CELF2: variants seen among roughly 807,000 people sequenced by gnomAD.
CELF2 encodes CUG triplet repeat RNA-binding protein 2.
In CELF2, 8 loss-of-function variants were observed where a neutral mutation model predicts 62.6. The observed-to-expected ratio is 0.13, with a 90% CI of 0.07 to 0.23. CELF2 has a LOEUF of 0.23. CELF2 is among the 10% of genes least tolerant of loss of function. CELF2 has a pLI of 1.00. For missense variants in CELF2, 333 were observed against 671.0 expected, an observed-to-expected ratio of 0.50 and a Z score of 5.56; for synonymous variants, 258 against 250.0, an observed-to-expected ratio of 1.03 and a Z score of -0.30.
At chr10:10,518,082 T>A in the CELF2 span, among the ~76,000 whole-genome samples, 4 of 152,196 alleles carry the variant, frequency 2.6e-5, no homozygotes, top group South Asian at 8.3e-4. Flanking sequence ...AGGCTTAGCA[T>A]TTCCTGCATG....
chr10:10,742,700 C>T, the CELF2 span, among the ~76,000 whole-genome samples: 1 of 151,994 alleles, frequency 6.6e-6, no homozygotes, highest in African/African-American at 2.4e-5. Flanking sequence ...AGAGATAAGG[C>T]CAGTGCTTAT....
At chr10:10,695,687 T>C in the CELF2 span, among the ~76,000 whole-genome samples, 1 of 152,190 alleles carries the variant, frequency 6.6e-6, no homozygotes, top group Middle Eastern at 3.2e-3. Flanking sequence ...CCCATATTTC[T>C]TGGAGGCTTT....
At position 11,237,431 on chromosome 10, in the gene CELF2, G is replaced by T. The variant is rs1008513952; in HGVS notation, c.355-11722G>T. On this transcript the variant is annotated intron_variant, in intron 3 of 12. Transcript: ENST00000633077. The surrounding 1 kb of genome is among the most constrained non-coding windows in gnomAD (Gnocchi z 4.0). ...GTGAGGCAGGAGTGTGGCTGGAAGA[G>T]TCTGAGTAGTAGGTCATCCTGGGAA... Among the ~76,000 whole-genome samples the T allele has an allele frequency of 1.3e-5, 2 of 152,182 alleles. No individual in the cohort carries two copies. The highest frequency in any genetic ancestry group is 4.1e-4 in the South Asian group (2 of 4,828).
At chr10:11,111,554 T>A (rs1052272732) in intron 1 of CELF2, among the ~76,000 whole-genome samples, 1 of 152,234 alleles carries the variant, frequency 6.6e-6, no homozygotes, top group Admixed American at 6.5e-5. Context: ...ATGTTTCTTT[T>A]TTTTTCCCTA....
intron 2 of CELF2, among the ~76,000 whole-genome samples, chr10:10,994,186 T>G (rs2053712721): frequency 6.6e-6 from 1 of 152,170 alleles, no homozygotes; most frequent in South Asian, 2.1e-4. Flanking sequence ...AAGGGGATAT[T>G]TCATTATTTT....
At chr10:10,470,895 CT>C in the CELF2 span, among the ~76,000 whole-genome samples, 4 of 151,274 alleles carry the variant, frequency 2.6e-5, no homozygotes, top group Admixed American at 6.6e-5. Context: ...TAATTTAGTA[CT>C]TTTCTCTTTT....
the CELF2 span, among the ~76,000 whole-genome samples, chr10:10,714,580 G>A: frequency 3.9e-5 from 6 of 152,142 alleles, no homozygotes; most frequent in Admixed American, 2.6e-4. Flanking sequence ...GTGCCTGCAG[G>A]CTGACACAAT....
Position 11,319,060 on chromosome 10 carries a change from G to A in CELF2, c.1097-2129G>A, listed in dbSNP as rs1219109446. 1 of 470,530 alleles carries A rather than the reference G, an allele frequency of 2.1e-6. No individual in the cohort carries two copies. Among genetic ancestry groups the A allele is most frequent in the African/African-American group, 2.0e-5 (1 of 50,080 alleles). The allele number at this position is 470,530 out of a possible 1,614,324, so 29.1% of individuals were successfully genotyped here. A position where few individuals can be genotyped will look rare whatever the true frequency, so the allele number is the denominator to read the frequency against. Reference sequence around the variant, plus strand: ...CCCCACATGGCTCTGCAGGCTGCGAGGCACACCCAGAACCTCATGCCTTGA... The same window carrying A: ...CCCCACATGGCTCTGCAGGCTGCGAAGCACACCCAGAACCTCATGCCTTGA... On this transcript the variant is annotated intron_variant, in intron 10 of 12. Transcript: ENST00000633077. This position sits in a 1 kb window ranked among gnomAD's most constrained non-coding sequence, Gnocchi z 4.4.
At chr10:10,602,764 G>A in the CELF2 span, among the ~76,000 whole-genome samples, 1 of 151,988 alleles carries the variant, frequency 6.6e-6, no homozygotes, top group Non-Finnish European at 1.5e-5. Context: ...AAGTGAGCAG[G>A]TTTTTAGAAA....
At chr10:11,059,695 A>G (rs2140399279) in intron 1 of CELF2, among the ~76,000 whole-genome samples, 1 of 152,292 alleles carries the variant, frequency 6.6e-6, no homozygotes, top group African/African-American at 2.4e-5. Context: ...GAGTATGGAA[A>G]ATGCAGTGAT....
the CELF2 span, among the ~76,000 whole-genome samples, chr10:10,686,587 G>A: frequency 3.0e-4 from 45 of 152,194 alleles, no homozygotes; most frequent in Middle Eastern, 6.8e-3. Flanking sequence ...CTGTCCTTGT[G>A]ATAGTGAGTG....
At chr10:11,225,932 A>G (rs2066374041) in intron 3 of CELF2, among the ~76,000 whole-genome samples, 1 of 152,202 alleles carries the variant, frequency 6.6e-6, no homozygotes, top group Non-Finnish European at 1.5e-5. Context: ...CTGAAGTGCC[A>G]GAGATTAAAT....
chr10:10,542,816 C>T, the CELF2 span, among the ~76,000 whole-genome samples: 3 of 152,206 alleles, frequency 2.0e-5, no homozygotes, highest in Admixed American at 2.0e-4. Context: ...AGTAGTCTGA[C>T]TTCCTCCCAG....
chr10:10,724,220 A>G, the CELF2 span, among the ~76,000 whole-genome samples: 1 of 152,188 alleles, frequency 6.6e-6, no homozygotes, highest in Non-Finnish European at 1.5e-5. Flanking sequence ...CTTGTCCTGG[A>G]GCCTTCTCTT....
intron 2 of CELF2, among the ~76,000 whole-genome samples, chr10:10,987,713 T>C (rs1362101652): frequency 6.6e-6 from 1 of 151,854 alleles, no homozygotes. Context: ...ACGATCTCAA[T>C]AGGAACTCAA....
At chr10:10,579,319 G>A in the CELF2 span, among the ~76,000 whole-genome samples, 14 of 152,284 alleles carry the variant, frequency 9.2e-5, no homozygotes, top group South Asian at 2.7e-3. Flanking sequence ...ATGTATGTAT[G>A]AGCATCTTAC....
rs1224265588 is a variant in CELF2 at position 11,314,428 on chromosome 10, T to C, written c.1096+170T>C. On this transcript the variant is annotated intron_variant, in intron 10 of 12. Transcript: ENST00000633077. The surrounding 1 kb of genome is among the most constrained non-coding windows in gnomAD (Gnocchi z 5.3). ...AGGCAAAAGCTGTCTACACTCGTTT[T>C]GCCTCAGAAAATCCCCAACCACTCT... 2.4e-6 allele frequency: 2 copies of C among 836,620 alleles called. No homozygotes were observed. Among genetic ancestry groups the C allele is most frequent in the African/African-American group, 3.4e-5 (2 of 59,532 alleles). 51.8% of individuals were successfully genotyped at this position (836,620 alleles called of 1,614,324 possible).
rs999968470 is a variant in CELF2, at chr10:11,331,622, A to T, written c.*2569A>T. On this transcript the variant is annotated 3_prime_UTR_variant, in exon 13 of 13. Coordinates refer to ENST00000633077, the MANE Select transcript of CELF2 (RefSeq NM_001326342.2). Reference sequence around the variant, plus strand: ...TAATATTTAAAAAAAAAAACAAAACAAAAAAAGGTTACAAAGTTTGTTAAC... The same window carrying T: ...TAATATTTAAAAAAAAAAACAAAACTAAAAAAGGTTACAAAGTTTGTTAAC... 1.3e-5 allele frequency: 2 copies of T among 152,438 alleles called. No individual in the cohort carries two copies. The highest frequency in any genetic ancestry group is 1.3e-4 in the Admixed American group (2 of 15,256). The allele number at this position is 152,438 out of a possible 1,614,324, so 9.4% of individuals were successfully genotyped here. A position where few individuals can be genotyped will look rare whatever the true frequency, so the allele number is the denominator to read the frequency against.
chr10:10,793,258 G>A, the CELF2 span, among the ~76,000 whole-genome samples: 4 of 152,208 alleles, frequency 2.6e-5, no homozygotes, highest in East Asian at 3.9e-4. Context: ...AGCAAAACAT[G>A]AAAGCACTTG....
Sources: allele counts gnomAD v4.1 joint callset (sites outside exome capture counted in the v4.1 genomes callset), GRCh38; gene constraint gnomAD v4.1.1; non-coding constraint Gnocchi (gnomAD v3.1); transcripts MANE v1.5; gene names NCBI Gene and HGNC (gene_info 2026-07-23, HGNC 2026-07-21).